Variants in TMEM132D observed in about 807,000 individuals in gnomAD.
TMEM132D encodes the protein mature OL transmembrane protein.
A neutral mutation model predicts 62.3 loss-of-function variants in TMEM132D; 21 were observed. That is an observed-to-expected ratio of 0.34 (90% CI 0.24 to 0.49). The LOEUF is 0.49. Ranked by LOEUF, TMEM132D falls within the 20% of genes least tolerant of loss-of-function variation. The pLI is 0.99. For synonymous variants in TMEM132D, 621 were observed against 575.6 expected (o/e 1.08, Z -1.13); for missense variants, 1,346 against 1,402.8 (o/e 0.96, Z 0.65).
At chr12:129,219,195 G>A (rs1210364844) in intron 4 of TMEM132D, among the ~76,000 whole-genome samples, 2 of 152,166 alleles carry the variant, frequency 1.3e-5, no homozygotes, top group Non-Finnish European at 2.9e-5. Flanking sequence ...CTGGTAGGAG[G>A]TAATTGAATC....
intron 2 of TMEM132D, among the ~76,000 whole-genome samples, chr12:129,657,447 G>A (rs1046726656): frequency 6.6e-6 from 1 of 152,126 alleles, no homozygotes; most frequent in Non-Finnish European, 1.5e-5. Context: ...AGAAAACAAT[G>A]GGATAGGAGG....
chr12:129,853,846 T>G (rs1873624642), intron 1 of TMEM132D: 1 of 152,010 alleles, frequency 6.6e-6, no homozygotes, highest in Admixed American at 6.6e-5. Context: ...GACTCATAAG[T>G]TTACTGCAAT....
At chr12:129,561,278 A>G (rs899522523) in intron 2 of TMEM132D, among the ~76,000 whole-genome samples, 3 of 152,190 alleles carry the variant, frequency 2.0e-5, no homozygotes, top group Non-Finnish European at 2.9e-5. Context: ...TCCAACCAAT[A>G]TGAGAGCTAT....
At chr12:129,394,421 T>C (rs1871366468) in intron 3 of TMEM132D, among the ~76,000 whole-genome samples, 1 of 152,218 alleles carries the variant, frequency 6.6e-6, no homozygotes, top group African/African-American at 2.4e-5. Context: ...TTGAGATCAG[T>C]TGGCTCGAAA....
intron 3 of TMEM132D, among the ~76,000 whole-genome samples, chr12:129,399,425 G>GCTTATCCACTCCCATA (rs1566057174): frequency 6.4e-5 from 1 of 15,740 alleles, no homozygotes; most frequent in African/African-American, 3.4e-4. Flanking sequence ...CCACTCCCAC[G>GCTTATCCACTCCCATA]ATAACCAACC....
chr12:129,262,161 G>A (rs375828811), intron 4 of TMEM132D, among the ~76,000 whole-genome samples: 5 of 152,140 alleles, frequency 3.3e-5, no homozygotes, highest in Admixed American at 2.0e-4. Context: ...GGGATGCACC[G>A]ATAAAGCAGA....
chr12:129,747,597 C>T (rs1426150207), intron 1 of TMEM132D, among the ~76,000 whole-genome samples: 1 of 150,110 alleles, frequency 6.7e-6, no homozygotes, highest in Non-Finnish European at 1.5e-5. Context: ...CTCACATGCA[C>T]ACTTGACATA....
chr12:129,213,009 T>C (rs1477921870), intron 4 of TMEM132D, among the ~76,000 whole-genome samples: 1 of 152,188 alleles, frequency 6.6e-6, no homozygotes, highest in Non-Finnish European at 1.5e-5. Flanking sequence ...GAGCAATTTA[T>C]CTGGGACATT....
rs561432495 is a variant in TMEM132D at position 129,681,973 on chromosome 12, C to T, written c.968+17837G>A. Among the ~76,000 whole-genome samples the T allele has an allele frequency of 2.6e-4, 39 of 152,290 alleles. 1 individual carries two copies. In the Middle Eastern group the frequency reaches 0.02, roughly 80 times the overall value. Reference sequence around the variant, plus strand: ...TATACCTTCAGATTTGAAGGAGGGACGGGAAGGTTACATCTCACTTTGCTC... The same window carrying T: ...TATACCTTCAGATTTGAAGGAGGGATGGGAAGGTTACATCTCACTTTGCTC... On this transcript the variant is annotated intron_variant, in intron 2 of 8. Transcript: ENST00000422113.
rs193186674 is a variant in TMEM132D, at chr12:129,258,957, G to A, written c.1300-49294C>T. Among the ~76,000 whole-genome samples, 41 of 152,314 alleles carry A rather than the reference G, an allele frequency of 2.7e-4. No individual in the cohort carries two copies. The East Asian group carries it at 6.0e-3, about 22-fold the overall frequency. ...GTGCATGAGTCATTGAGGGAACACT[G>A]TCAGGAAACAATTATAAGGATGTGA... On this transcript the variant is annotated intron_variant, in intron 4 of 8. Transcript: ENST00000422113.
At chr12:129,809,307 C>A (rs374223788) in intron 1 of TMEM132D, among the ~76,000 whole-genome samples, 25 of 137,954 alleles carry the variant, frequency 1.8e-4, no homozygotes, top group Admixed American at 2.9e-4. Flanking sequence ...GACTCCATAT[C>A]AAAAAAAAAA....
At chr12:129,519,573 T>C (rs1875787444) in intron 3 of TMEM132D, among the ~76,000 whole-genome samples, 1 of 94,006 alleles carries the variant, frequency 1.1e-5, no homozygotes. Context: ...CACAGAATTG[T>C]CAAAGCAATC....
chr12:129,596,643 T>C (rs936588855), intron 2 of TMEM132D, among the ~76,000 whole-genome samples: 2 of 152,238 alleles, frequency 1.3e-5, no homozygotes, highest in Non-Finnish European at 2.9e-5. Context: ...ATAAATGTTA[T>C]ATAAATCATT....
intron 3 of TMEM132D, among the ~76,000 whole-genome samples, chr12:129,399,820 C>A (rs989237001): frequency 6.6e-6 from 1 of 151,450 alleles, no homozygotes; most frequent in Non-Finnish European, 1.5e-5. Flanking sequence ...CTGTGTGGCT[C>A]AAAGGAACAA....
intron 2 of TMEM132D, among the ~76,000 whole-genome samples, chr12:129,672,162 G>A (rs1222218409): frequency 6.6e-6 from 1 of 152,242 alleles, no homozygotes; most frequent in African/African-American, 2.4e-5. Context: ...CACCAAGCCA[G>A]CTTCTCCTCT....
At chr12:129,600,631 C>T (rs570890436) in intron 2 of TMEM132D, among the ~76,000 whole-genome samples, 1 of 152,328 alleles carries the variant, frequency 6.6e-6, no homozygotes, top group South Asian at 2.1e-4. Context: ...AGAATGAATG[C>T]TGCATTAGAA....
chr12:129,367,948 G>A (rs765833070), intron 3 of TMEM132D, among the ~76,000 whole-genome samples: 8 of 151,860 alleles, frequency 5.3e-5, no homozygotes, highest in Non-Finnish European at 8.8e-5. Context: ...ACCACGCCTG[G>A]CTAATATTTG....
At chr12:129,331,385 C>G (rs1251935364) in intron 4 of TMEM132D, among the ~76,000 whole-genome samples, 2 of 152,162 alleles carry the variant, frequency 1.3e-5, no homozygotes, top group African/African-American at 4.8e-5. Context: ...TGGAGTTCTC[C>G]TTTGATTTTT....
At chr12:129,848,876 C>T (rs1475411661) in intron 1 of TMEM132D, among the ~76,000 whole-genome samples, 5 of 152,170 alleles carry the variant, frequency 3.3e-5, no homozygotes, top group Admixed American at 3.3e-4. Context: ...CCTACCACCA[C>T]TATCTGTCCT....
Sources: allele counts gnomAD v4.1 joint callset (sites outside exome capture counted in the v4.1 genomes callset), GRCh38; gene constraint gnomAD v4.1.1; transcripts MANE v1.5; gene names NCBI Gene and HGNC (gene_info 2026-07-23, HGNC 2026-07-21).